ST3GAL3: variants seen among roughly 807,000 people sequenced by gnomAD.
ST3GAL3 encodes ST3 beta-galactoside alpha-2,3-sialyltransferase 3, also known as CMP-N-acetylneuraminate-beta-1,4-galactoside alpha-2,3-sialyltransferase.
A neutral mutation model predicts 50.1 loss-of-function variants in ST3GAL3; 21 were observed. The ratio of observed to expected loss-of-function variants is 0.42; its 90% CI spans 0.30 to 0.60. ST3GAL3 has a LOEUF of 0.60. Ranked by LOEUF, ST3GAL3 falls within the 20% of genes least tolerant of loss-of-function variation. ST3GAL3 has a pLI of 0.19. For missense variants in ST3GAL3, 353 were observed against 489.4 expected, an observed-to-expected ratio of 0.72 and a Z score of 2.63; for synonymous variants, 183 against 190.0, an observed-to-expected ratio of 0.96 and a Z score of 0.30.
At chr1:43,859,927 A>G (rs932376535) in intron 5 of ST3GAL3, among the ~76,000 whole-genome samples, 2 of 152,212 alleles carry the variant, frequency 1.3e-5, no homozygotes, top group Admixed American at 1.3e-4. Flanking sequence ...AGAGGGATTA[A>G]GGGCAGGACT....
chr1:43,787,831 A>T (rs1004116944), intron 2 of ST3GAL3, among the ~76,000 whole-genome samples: 1 of 152,200 alleles, frequency 6.6e-6, no homozygotes, highest in Non-Finnish European at 1.5e-5. Context: ...TGTGAGAAGG[A>T]GGGAGAAGTA....
At chr1:43,850,332 G>T in intron 5 of ST3GAL3, 2 of 596,112 alleles carry the variant, frequency 3.4e-6, no homozygotes, top group Non-Finnish European at 5.8e-6. Context: ...AGGGAAGAGA[G>T]TGAAGCTCTC....
chr1:43,764,741 C>T (rs934219400), intron 2 of ST3GAL3, among the ~76,000 whole-genome samples: 5 of 152,172 alleles, frequency 3.3e-5, no homozygotes, highest in African/African-American at 9.7e-5. Flanking sequence ...CGTCATTGGA[C>T]GAGGGCTGCC....
chr1:43,794,705 C>T (rs1489022343), intron 3 of ST3GAL3, among the ~76,000 whole-genome samples: 1 of 152,064 alleles, frequency 6.6e-6, no homozygotes, highest in Non-Finnish European at 1.5e-5. Context: ...AATGACTATG[C>T]AAATTGTATT....
intron 5 of ST3GAL3, among the ~76,000 whole-genome samples, chr1:43,871,698 G>A: frequency 1.1e-5 from 1 of 89,868 alleles, no homozygotes; most frequent in Non-Finnish European, 2.3e-5. Context: ...GATGGGGTGT[G>A]AGGGAGAGGC....
rs546147304 is a variant in ST3GAL3 at position 43,744,459 on chromosome 1, T to C, written c.118+8079T>C. ...TGTCACCATGTTGGCCAGGCTGGTC[T>C]CGAACTCCTGACCTCAGGTGATCTG... is the stretch of plus-strand genomic sequence containing the variant. On this transcript the variant is annotated intron_variant, in intron 2 of 11. Transcript: ENST00000347631. 7.5e-3 allele frequency among the ~76,000 whole-genome samples: 1,141 copies of C among 151,952 alleles called. 11 individuals carry two copies. Among genetic ancestry groups the C allele is most frequent in the Non-Finnish European group, 9.1e-3 (616 of 67,952 alleles).
intron 5 of ST3GAL3, among the ~76,000 whole-genome samples, chr1:43,859,664 A>G (rs144528398): frequency 5.9e-5 from 9 of 152,332 alleles, no homozygotes; most frequent in African/African-American, 2.2e-4. Context: ...GCCAATTGCC[A>G]GTTGCGGAAC....
intron 2 of ST3GAL3, among the ~76,000 whole-genome samples, chr1:43,741,863 CCTGTT>C (rs1464887475): frequency 6.6e-6 from 1 of 152,146 alleles, no homozygotes; most frequent in Non-Finnish European, 1.5e-5. Flanking sequence ...GTTTCCCAAC[CCTGTT>C]CTGTGAGTGG....
At chr1:43,712,165 G>C (rs1250790205) in intron 1 of ST3GAL3, among the ~76,000 whole-genome samples, 2 of 152,190 alleles carry the variant, frequency 1.3e-5, no homozygotes, top group Non-Finnish European at 2.9e-5. Flanking sequence ...AAACAAGTCA[G>C]TTCATGTAAA....
At position 43,894,955 on chromosome 1, in the gene ST3GAL3, C is replaced by T. The variant is rs57375707; in HGVS notation, c.397+478C>T. On this transcript the variant is annotated intron_variant, in intron 6 of 11. Coordinates refer to ENST00000347631, the MANE Select transcript of ST3GAL3 (RefSeq NM_006279.5). The stretch of plus-strand genomic sequence containing the variant: ...AATGGAATATTTACACAGAGCCCAC[C>T]ACTTTGCCAGGGGTTAAGTATACAA... Among the ~76,000 whole-genome samples, 473 of 152,242 alleles carry T rather than the reference C, an allele frequency of 3.1e-3. 1 individual carries two copies. The highest frequency in any genetic ancestry group is 0.011 in the African/African-American group (458 of 41,548).
At chr1:43,850,013 A>T (rs2066981566) in intron 5 of ST3GAL3, among the ~76,000 whole-genome samples, 2 of 152,228 alleles carry the variant, frequency 1.3e-5, no homozygotes, top group Admixed American at 1.3e-4. Context: ...ATTATGGCCA[A>T]GTGGCTACAC....
intron 5 of ST3GAL3, chr1:43,858,388 G>A (rs3011226): frequency 0.9 from 1,059,986 of 1,180,516 alleles, 476,979 homozygotes; most frequent in African/African-American, 0.97. Context: ...CTCCAGCCTA[G>A]GAGCAGGAAC....
chr1:43,824,375 A>G (rs1476432603), intron 4 of ST3GAL3, among the ~76,000 whole-genome samples: 1 of 152,038 alleles, frequency 6.6e-6, no homozygotes, highest in East Asian at 1.9e-4. Context: ...AAAAAAAAAA[A>G]AAGAGGAAAG....
chr1:43,713,735 C>T (rs959791228), intron 1 of ST3GAL3, among the ~76,000 whole-genome samples: 2 of 152,058 alleles, frequency 1.3e-5, no homozygotes, highest in Non-Finnish European at 2.9e-5. Context: ...GTGGTTTCAC[C>T]ATATTGCCCA....
intron 2 of ST3GAL3, among the ~76,000 whole-genome samples, chr1:43,783,368 C>T (rs1699969264): frequency 6.6e-6 from 1 of 152,170 alleles, no homozygotes; most frequent in South Asian, 2.1e-4. Flanking sequence ...CAGTAGCAGC[C>T]TCCATGCCTT....
At chr1:43,785,087 G>T (rs1572821066) in intron 2 of ST3GAL3, among the ~76,000 whole-genome samples, 1 of 140,256 alleles carries the variant, frequency 7.1e-6, no homozygotes, top group African/African-American at 2.6e-5. Flanking sequence ...ATTGGGGTTG[G>T]GAGGGAAGAA....
chr1:43,722,923 A>G (rs1671159881), intron 1 of ST3GAL3, among the ~76,000 whole-genome samples: 1 of 152,118 alleles, frequency 6.6e-6, no homozygotes, highest in African/African-American at 2.4e-5. Flanking sequence ...TAGTTTGGAT[A>G]TTTGTTCTCT....
At chr1:43,864,250 C>G (rs1175601062) in intron 5 of ST3GAL3, among the ~76,000 whole-genome samples, 1 of 152,162 alleles carries the variant, frequency 6.6e-6, no homozygotes, top group Non-Finnish European at 1.5e-5. Flanking sequence ...TGCACTCCAG[C>G]CTGGGCAACA....
At chr1:43,821,230 C>T (rs2062051034) in intron 4 of ST3GAL3, among the ~76,000 whole-genome samples, 1 of 152,076 alleles carries the variant, frequency 6.6e-6, no homozygotes, top group Non-Finnish European at 1.5e-5. Context: ...TGCTGGATAG[C>T]ATGAGCAACA....
Sources: allele counts gnomAD v4.1 joint callset (sites outside exome capture counted in the v4.1 genomes callset), GRCh38; gene constraint gnomAD v4.1.1; transcripts MANE v1.5; gene names NCBI Gene and HGNC (gene_info 2026-07-23, HGNC 2026-07-21).